OSBPL10: variants seen among roughly 807,000 people sequenced by gnomAD.
OSBPL10 encodes the protein oxysterol-binding protein-related protein 10.
A neutral mutation model predicts 81.7 loss-of-function variants in OSBPL10; 49 were observed. That is an observed-to-expected ratio of 0.60 (90% CI 0.48 to 0.76). OSBPL10 has a LOEUF of 0.76. OSBPL10 is among the 30% of genes least tolerant of loss of function. The probability of loss-of-function intolerance (pLI) is 0.00; values close to 1 mark genes in which losing one functional copy is unlikely to be tolerated. For synonymous variants in OSBPL10, 419 were observed against 383.6 expected (o/e 1.09, Z -1.08); for missense variants, 923 against 987.8 (o/e 0.93, Z 0.88).
chr3:32,008,557 C>T (rs1211447001), intron 2 of OSBPL10, among the ~76,000 whole-genome samples: 1 of 142,396 alleles, frequency 7.0e-6, no homozygotes, highest in African/African-American at 2.7e-5. Flanking sequence ...ATGGCCAAAC[C>T]CCGTTTCTAC....
intron 6 of OSBPL10, among the ~76,000 whole-genome samples, chr3:31,730,184 T>C (rs554605297): frequency 6.6e-6 from 1 of 152,156 alleles, no homozygotes; most frequent in African/African-American, 2.4e-5. Context: ...CTACTAAAGA[T>C]ACAAAAATTA....
At chr3:31,790,539 G>C (rs1233025086) in intron 4 of OSBPL10, among the ~76,000 whole-genome samples, 1 of 152,140 alleles carries the variant, frequency 6.6e-6, no homozygotes, top group Admixed American at 6.5e-5. Context: ...AAAAAATACT[G>C]ACGGGGGAAA....
rs1198160610 is a variant in OSBPL10 at position 31,972,126 on chromosome 3, C to T, written c.281+8773G>A. 3.3e-5 allele frequency among the ~76,000 whole-genome samples: 5 copies of T among 152,346 alleles called. No homozygotes were observed. The South Asian group carries it at 6.2e-4, about 19-fold the overall frequency. On this transcript the variant is annotated intron_variant, in intron 1 of 11. Coordinates refer to ENST00000396556, the MANE Select transcript of OSBPL10 (RefSeq NM_017784.5). ...ACTCTGGGCCGGGCACAGTGGCTCA[C>T]GCCTGTAATCCCAGCACTTCGGGAG...
chr3:32,051,939 T>TA lies in OSBPL10; in HGVS notation n.186-5337dup, dbSNP rs1290936205. Among the ~76,000 whole-genome samples the TA allele has an allele frequency of 2.0e-5, 3 of 152,206 alleles. No homozygotes were observed. The East Asian group carries it at 5.8e-4, about 29-fold the overall frequency. On this transcript the variant is annotated intron_variant and non_coding_transcript_variant, in intron 1 of 3. Coordinates refer to the OSBPL10 transcript ENST00000479173. ...CATGACTTTAGTAAGCTTTGGGAAA[T>TA]AAAGACAGTTTTCAAGATTATTGGT...
In OSBPL10 at chr3:32,051,509, A is replaced by G. The variant is rs554160891; in HGVS notation, n.186-4906T>C. Reference sequence around the variant, plus strand: ...CTCTTGGCCACCTGGAAGTTATGGTAAAATGTCCTCACCCCCCACTGAGAG... The same window carrying G: ...CTCTTGGCCACCTGGAAGTTATGGTGAAATGTCCTCACCCCCCACTGAGAG... On this transcript the variant is annotated intron_variant and non_coding_transcript_variant, in intron 1 of 3. Coordinates refer to the OSBPL10 transcript ENST00000479173. Among the ~76,000 whole-genome samples the G allele has an allele frequency of 1.6e-4, 24 of 152,340 alleles. No individual in the cohort carries two copies. The East Asian group carries it at 4.4e-3, about 28-fold the overall frequency.
intron 3 of OSBPL10, among the ~76,000 whole-genome samples, chr3:31,847,598 A>G (rs1474444727): frequency 6.6e-6 from 1 of 152,134 alleles, no homozygotes; most frequent in Admixed American, 6.5e-5. Flanking sequence ...TTGACTCCCA[A>G]TAAGTCTTCC....
At chr3:31,733,850 A>C (rs576550209) in intron 5 of OSBPL10, among the ~76,000 whole-genome samples, 223 of 151,874 alleles carry the variant, frequency 1.5e-3, no homozygotes, top group African/African-American at 5.0e-3. Context: ...CTCTACTAAA[A>C]ATACAAAAAA....
At chr3:31,765,386 G>C (rs190382793) in intron 4 of OSBPL10, among the ~76,000 whole-genome samples, 1 of 152,024 alleles carries the variant, frequency 6.6e-6, no homozygotes, top group African/African-American at 2.4e-5. Context: ...GCCCTTACCA[G>C]GCTCTCGGTG....
intron 10 of OSBPL10, among the ~76,000 whole-genome samples, chr3:31,667,077 C>A (rs1328364126): frequency 6.6e-6 from 1 of 152,228 alleles, no homozygotes; most frequent in Non-Finnish European, 1.5e-5. Flanking sequence ...TAAGGAGTAG[C>A]TAAACTACTC....
chr3:31,879,928 C>A lies in OSBPL10; in HGVS notation c.282-98G>T. The A allele has an allele frequency of 3.1e-6, 4 of 1,271,188 alleles. No individual in the cohort carries two copies. In the South Asian group the frequency reaches 6.2e-5, roughly 20 times the overall value. 78.7% of individuals were successfully genotyped at this position (1,271,188 alleles called of 1,614,324 possible). A position where few individuals can be genotyped will look rare whatever the true frequency, so the allele number is the denominator to read the frequency against. On this transcript the variant is annotated intron_variant, in intron 1 of 11. Coordinates refer to ENST00000396556, the MANE Select transcript of OSBPL10 (RefSeq NM_017784.5). Reference sequence around the variant, plus strand: ...AGTGATCCAGAAGTCAACATCAAGACTCCACATCCATGAAGCTGGAAACCA... The same window carrying A: ...AGTGATCCAGAAGTCAACATCAAGAATCCACATCCATGAAGCTGGAAACCA...
chr3:32,023,337 C>T (rs758195826), intron 2 of OSBPL10, among the ~76,000 whole-genome samples: 3 of 152,126 alleles, frequency 2.0e-5, no homozygotes, highest in Non-Finnish European at 4.4e-5. Context: ...AGAACATGCC[C>T]TCTTGCCTGC....
chr3:31,870,636 C>T (rs1157438272), intron 3 of OSBPL10, among the ~76,000 whole-genome samples: 1 of 152,208 alleles, frequency 6.6e-6, no homozygotes, highest in Non-Finnish European at 1.5e-5. Flanking sequence ...GTAAATACAC[C>T]AATTGGCACT....
At chr3:31,807,041 C>A (rs1209383121) in intron 4 of OSBPL10, among the ~76,000 whole-genome samples, 2 of 152,152 alleles carry the variant, frequency 1.3e-5, no homozygotes, top group African/African-American at 4.8e-5. Context: ...AATGGGAATC[C>A]ACTGGAGCTT....
rs1318006081 is a variant in OSBPL10, at chr3:31,966,027, G to A, written c.281+14872C>T. Among the ~76,000 whole-genome samples, 29 of 136,172 alleles carry A rather than the reference G, an allele frequency of 2.1e-4. No homozygotes were observed. In the East Asian group the frequency reaches 2.7e-3, roughly 13 times the overall value. The allele number at this position is 136,172 out of a possible 152,430, so 89.3% of individuals were successfully genotyped here. ...ATATATATATAGGCCAGGCTCAGTC[G>A]CTCATGCCTGTAATCCCAGCACTTT... On this transcript the variant is annotated intron_variant, in intron 1 of 11. Transcript: ENST00000396556.
At chr3:31,799,078 G>A (rs192854247) in intron 4 of OSBPL10, among the ~76,000 whole-genome samples, 1 of 152,172 alleles carries the variant, frequency 6.6e-6, no homozygotes, top group Non-Finnish European at 1.5e-5. Context: ...ACCACCTGGG[G>A]ATTGGGAATC....
At chr3:31,989,767 T>G in intron 2 of OSBPL10, 8 of 1,614,210 alleles carry the variant, frequency 5.0e-6, no homozygotes, top group Non-Finnish European at 6.8e-6. Flanking sequence ...AGAAAAATCT[T>G]TCCAATGTAA....
At chr3:31,792,647 C>A (rs1699046142) in intron 4 of OSBPL10, among the ~76,000 whole-genome samples, 1 of 151,356 alleles carries the variant, frequency 6.6e-6, no homozygotes, top group Non-Finnish European at 1.5e-5. Context: ...GCTATCCAGA[C>A]ACACTGTGTG....
rs186560489 is a variant in OSBPL10, at chr3:31,725,483, T to C, written c.1095+7774A>G. On this transcript the variant is annotated intron_variant, in intron 6 of 11. Transcript: ENST00000396556. ...CTTTAGTGTGAGGATCTAAATGGAA[T>C]GTCTTCAGCAGCTCTTCTAAAAGAT... 4.7e-3 allele frequency among the ~76,000 whole-genome samples: 713 copies of C among 152,290 alleles called. 7 individuals carry two copies. Among genetic ancestry groups the C allele is most frequent in the Non-Finnish European group, 5.0e-3 (343 of 68,028 alleles).
At chr3:31,675,241 C>G (rs745438107) in intron 8 of OSBPL10, among the ~76,000 whole-genome samples, 1 of 152,250 alleles carries the variant, frequency 6.6e-6, no homozygotes, top group African/African-American at 2.4e-5. Context: ...TGGAAACACA[C>G]AACAGCCACA....
Sources: allele counts gnomAD v4.1 joint callset (sites outside exome capture counted in the v4.1 genomes callset), GRCh38; gene constraint gnomAD v4.1.1; transcripts MANE v1.5; gene names NCBI Gene and HGNC (gene_info 2026-07-23, HGNC 2026-07-21).